PDE1A: variants seen among roughly 807,000 people sequenced by gnomAD.
PDE1A encodes dual specificity calcium/calmodulin-dependent 3',5'-cyclic nucleotide phosphodiesterase 1A.
In PDE1A, 35 loss-of-function variants were observed where a neutral mutation model predicts 61.7. That is an observed-to-expected ratio of 0.57 (90% CI 0.43 to 0.75). PDE1A has a LOEUF of 0.75. Among genes scored for constraint, PDE1A ranks in the 30% least tolerant of loss-of-function variants. PDE1A has a pLI of 0.00. For missense variants in PDE1A, 597 were observed against 630.6 expected (o/e 0.95, Z 0.57); for synonymous variants, 232 against 213.2 (o/e 1.09, Z -0.77).
intron 2 of PDE1A, among the ~76,000 whole-genome samples, chr2:182,489,583 T>C (rs1464238137): frequency 1.3e-5 from 2 of 152,112 alleles, no homozygotes; most frequent in Non-Finnish European, 2.9e-5. Context: ...TAGATATATT[T>C]TGAAGGTAGA....
chr2:182,230,239 C>T, intron 5 of PDE1A, 93 bp from the exon 6 acceptor site: 1 of 855,018 alleles, frequency 1.2e-6, no homozygotes, highest in Non-Finnish European at 1.8e-6. Context: ...ATTAGTGAGT[C>T]AGATGTGGAC....
chr2:182,195,246 C>A (rs1686041642), intron 10 of PDE1A, among the ~76,000 whole-genome samples: 1 of 152,080 alleles, frequency 6.6e-6, no homozygotes. Flanking sequence ...AAGTATAAAG[C>A]TTAAAATAGA....
chr2:182,322,636 C>A (rs7424126), intron 1 of PDE1A, among the ~76,000 whole-genome samples: 1 of 152,142 alleles, frequency 6.6e-6, no homozygotes, highest in African/African-American at 2.4e-5. Context: ...GCTGAATTCA[C>A]TTCTCATGAG....
At chr2:182,379,655 C>T (rs900395478) in intron 1 of PDE1A, among the ~76,000 whole-genome samples, 4 of 152,138 alleles carry the variant, frequency 2.6e-5, no homozygotes, top group African/African-American at 4.8e-5. Flanking sequence ...ATAATTTAAG[C>T]ATAAAATGTT....
At chr2:182,442,663 A>T (rs1684869561) in intron 2 of PDE1A, among the ~76,000 whole-genome samples, 1 of 152,086 alleles carries the variant, frequency 6.6e-6, no homozygotes, top group South Asian at 2.1e-4. Context: ...GGGGCAAAAC[A>T]TAAACAATTG....
the PDE1A span, among the ~76,000 whole-genome samples, chr2:182,548,776 G>A: frequency 6.6e-6 from 1 of 152,040 alleles, no homozygotes; most frequent in Non-Finnish European, 1.5e-5. Flanking sequence ...TCCACTCATG[G>A]TTCTGCATTC....
At chr2:182,306,255 C>A (rs1404671142) in intron 1 of PDE1A, among the ~76,000 whole-genome samples, 1 of 152,018 alleles carries the variant, frequency 6.6e-6, no homozygotes, top group Non-Finnish European at 1.5e-5. Flanking sequence ...TGTATACGTA[C>A]AATATTGTAC....
At chr2:182,706,275 A>T in the PDE1A span, among the ~76,000 whole-genome samples, 1 of 152,168 alleles carries the variant, frequency 6.6e-6, no homozygotes, top group African/African-American at 2.4e-5. Context: ...TAGCATCTCC[A>T]TTCAACATTG....
At chr2:182,664,086 C>A in the PDE1A span, among the ~76,000 whole-genome samples, 3 of 152,132 alleles carry the variant, frequency 2.0e-5, no homozygotes, top group East Asian at 5.8e-4. Flanking sequence ...GTTGACTTTA[C>A]TAGTAATGAA....
chr2:182,433,216 C>T (rs780597518), intron 2 of PDE1A, among the ~76,000 whole-genome samples: 2 of 152,066 alleles, frequency 1.3e-5, no homozygotes, highest in Non-Finnish European at 2.9e-5. Context: ...ACCATACCAC[C>T]ATTTTTACTC....
chr2:182,636,886 G>T, the PDE1A span, among the ~76,000 whole-genome samples: 1 of 152,102 alleles, frequency 6.6e-6, no homozygotes, highest in South Asian at 2.1e-4. Context: ...TGTCAGCAGG[G>T]GGCTGGTCTT....
chr2:182,152,840 A>G (rs1199135439), intron 13 of PDE1A, among the ~76,000 whole-genome samples: 1 of 152,232 alleles, frequency 6.6e-6, no homozygotes, highest in East Asian at 1.9e-4. Flanking sequence ...TAGGCAGAAG[A>G]AAAAGAAGGC....
the PDE1A span, among the ~76,000 whole-genome samples, chr2:182,674,550 C>T: frequency 6.2e-5 from 9 of 144,472 alleles, no homozygotes; most frequent in Non-Finnish European, 1.1e-4. Context: ...TATTGAATCA[C>T]ATTTATTAAT....
intron 1 of PDE1A, among the ~76,000 whole-genome samples, chr2:182,271,707 T>G (rs1693038735): frequency 1.3e-5 from 2 of 152,078 alleles, no homozygotes; most frequent in African/African-American, 4.8e-5. Context: ...AATAACTGAG[T>G]CATATTACAT....
the PDE1A span, among the ~76,000 whole-genome samples, chr2:182,688,241 T>A: frequency 2.6e-5 from 4 of 152,016 alleles, no homozygotes; most frequent in African/African-American, 9.7e-5. Flanking sequence ...TTCACCAAAG[T>A]TGAAATGAAG....
chr2:182,249,851 T>C (rs570589047), intron 2 of PDE1A, among the ~76,000 whole-genome samples: 50 of 152,272 alleles, frequency 3.3e-4, no homozygotes, highest in African/African-American at 1.1e-3. Flanking sequence ...GCTTTATTGC[T>C]TTCTTACTAA....
chr2:182,682,885 A>G, the PDE1A span, among the ~76,000 whole-genome samples: 3 of 152,082 alleles, frequency 2.0e-5, no homozygotes, highest in Non-Finnish European at 2.9e-5. Flanking sequence ...ACTGAGGTAG[A>G]TGTCTGAGGA....
At chr2:182,635,417 G>A in the PDE1A span, among the ~76,000 whole-genome samples, 1 of 151,866 alleles carries the variant, frequency 6.6e-6, no homozygotes, top group East Asian at 1.9e-4. Flanking sequence ...ATAGTTTCCT[G>A]GACCTTTTTT....
intron 1 of PDE1A, among the ~76,000 whole-genome samples, chr2:182,348,642 G>A (rs1276073379): frequency 6.6e-6 from 1 of 151,776 alleles, no homozygotes; most frequent in Non-Finnish European, 1.5e-5. Context: ...TGGACTCTAT[G>A]CTATCCTGTC....
Sources: allele counts gnomAD v4.1 joint callset (sites outside exome capture counted in the v4.1 genomes callset), GRCh38; gene constraint gnomAD v4.1.1; transcripts MANE v1.5; gene names NCBI Gene and HGNC (gene_info 2026-07-23, HGNC 2026-07-21).